WFDC9: variants seen among roughly 807,000 people sequenced by gnomAD.
WFDC9 encodes the protein WAP four-disulfide core domain 9.
Under a neutral mutation model 9.5 loss-of-function variants are expected in WFDC9, and 9 were observed. The ratio of observed to expected loss-of-function variants is 0.95; its 90% CI spans 0.57 to 1.65. The LOEUF is 1.65. WFDC9 is among the 40% of genes most tolerant of loss of function. The pLI, the probability that WFDC9 is intolerant of heterozygous loss-of-function variation, is 0.00. For missense variants in WFDC9, 87 were observed against 106.7 expected (o/e 0.82, Z 0.81); for synonymous variants, 33 against 32.3 (o/e 1.02, Z -0.07).
At chr20:45,609,337 G>T (rs990894139) in intron 3 of WFDC9, among the ~76,000 whole-genome samples, 2 of 151,842 alleles carry the variant, frequency 1.3e-5, no homozygotes, top group Non-Finnish European at 2.9e-5. Flanking sequence ...CTGAGTAGCT[G>T]GGATTACAGG....
chr20:45,613,342 A>C (rs1405179635), intron 2 of WFDC9, among the ~76,000 whole-genome samples: 1 of 152,154 alleles, frequency 6.6e-6, no homozygotes, highest in African/African-American at 2.4e-5. Flanking sequence ...AATCCACCAA[A>C]ATGACTCTGC....
intron 2 of WFDC9, among the ~76,000 whole-genome samples, chr20:45,611,776 G>A (rs555610953): frequency 3.9e-5 from 6 of 152,196 alleles, no homozygotes; most frequent in South Asian, 4.1e-4. Flanking sequence ...GATAATTGCC[G>A]CCACATTTCT....
At chr20:45,628,348 GAA>G (rs1482219348) in intron 1 of WFDC9, among the ~76,000 whole-genome samples, 1 of 152,184 alleles carries the variant, frequency 6.6e-6, no homozygotes, top group East Asian at 1.9e-4. Context: ...TGGTGGAAAA[GAA>G]AAAGAGTGTG....
intron 2 of WFDC9, among the ~76,000 whole-genome samples, chr20:45,612,379 G>A (rs184087733): frequency 1.2e-3 from 178 of 151,990 alleles, no homozygotes; most frequent in African/African-American, 4.2e-3. Flanking sequence ...TCCAAGTTCT[G>A]GGTATTGGAA....
intron 2 of WFDC9, among the ~76,000 whole-genome samples, chr20:45,612,027 C>T (rs543659990): frequency 2.6e-4 from 40 of 152,232 alleles, no homozygotes; most frequent in Middle Eastern, 6.8e-3. Context: ...CTGGTTTTCC[C>T]CATCCATATT....
chr20:45,624,543 G>A (rs796663229), intron 1 of WFDC9, among the ~76,000 whole-genome samples: 23 of 152,274 alleles, frequency 1.5e-4, no homozygotes, highest in African/African-American at 5.5e-4. Context: ...TACATATGTT[G>A]ATATGCTGAT....
chr20:45,627,704 T>G (rs1278728653), intron 1 of WFDC9, among the ~76,000 whole-genome samples: 3 of 152,212 alleles, frequency 2.0e-5, no homozygotes, highest in Non-Finnish European at 2.9e-5. Flanking sequence ...TCCAACAACC[T>G]CTAAGTGTTC....
In WFDC9 at chr20:45,623,742, C is replaced by T. The variant is rs146415481; in HGVS notation, c.-153+7461G>A. Among the ~76,000 whole-genome samples, 700 of 152,254 alleles carry T rather than the reference C, an allele frequency of 4.6e-3. 7 individuals are homozygous for T. The highest frequency in any genetic ancestry group is 0.016 in the African/African-American group (669 of 41,550). ...ATCAGATCAGGGTAATTAGCATACC[C>T]GTCATCTCAAACATTTATCATTTCT... On this transcript the variant is annotated intron_variant, in intron 1 of 4. Coordinates refer to ENST00000326000, the MANE Select transcript of WFDC9 (RefSeq NM_147198.4).
chr20:45,624,394 AT>A (rs986435961), intron 1 of WFDC9, among the ~76,000 whole-genome samples: 1 of 152,096 alleles, frequency 6.6e-6, no homozygotes, highest in Non-Finnish European at 1.5e-5. Flanking sequence ...GAACCACGGG[AT>A]TTTATTCCTT....
At chr20:45,612,367 A>G (rs1981880418) in intron 2 of WFDC9, among the ~76,000 whole-genome samples, 1 of 152,166 alleles carries the variant, frequency 6.6e-6, no homozygotes, top group African/African-American at 2.4e-5. Flanking sequence ...ATTGGAATAT[A>G]TTCCAAGTTC....
chr20:45,631,045 C>A, intron 1 of WFDC9, 158 bp downstream of exon 1: 2 of 1,565,300 alleles, frequency 1.3e-6, no homozygotes, highest in South Asian at 1.2e-5. Context: ...GGATGTGCAT[C>A]CTGCTTCCCA....
In WFDC9 at chr20:45,608,849, A is replaced by G. The variant is rs547596603; in HGVS notation, c.92-39T>C. On this transcript the variant is annotated intron_variant, in intron 3 of 4. Coordinates refer to ENST00000326000, the MANE Select transcript of WFDC9 (RefSeq NM_147198.4). ...AGTTAGCAGGGTCCGTCTATTCACA[A>G]CTCAGACAAGAAACCTTTTCTAAGC... 7.7e-6 allele frequency: 12 copies of G among 1,568,494 alleles called. No individual in the cohort carries two copies. The African/African-American group carries it at 9.6e-5, about 13-fold the overall frequency.
At chr20:45,618,166 C>T (rs535983526) in intron 1 of WFDC9, among the ~76,000 whole-genome samples, 2 of 152,310 alleles carry the variant, frequency 1.3e-5, no homozygotes, top group African/African-American at 4.8e-5. Context: ...CCAACCTCTG[C>T]TAGCTTCAAA....
chr20:45,618,260 A>T (rs1982015720), intron 1 of WFDC9, among the ~76,000 whole-genome samples: 1 of 152,242 alleles, frequency 6.6e-6, no homozygotes, highest in Non-Finnish European at 1.5e-5. Flanking sequence ...GTTTTGGCTT[A>T]AGGGAATGTT....
intron 1 of WFDC9, among the ~76,000 whole-genome samples, chr20:45,616,720 A>T (rs1981983357): frequency 6.6e-6 from 1 of 152,170 alleles, no homozygotes; most frequent in South Asian, 2.1e-4. Flanking sequence ...GAAAACATTG[A>T]TCTCTTCATA....
chr20:45,629,574 C>T (rs1982304011), intron 1 of WFDC9: 3 of 385,696 alleles, frequency 7.8e-6, no homozygotes, highest in Non-Finnish European at 1.4e-5. Context: ...GAACACAAGA[C>T]TGGTTATGTG....
intron 1 of WFDC9, among the ~76,000 whole-genome samples, chr20:45,621,335 A>C (rs965424229): frequency 6.6e-6 from 1 of 152,166 alleles, no homozygotes; most frequent in African/African-American, 2.4e-5. Flanking sequence ...CTCTTATTCT[A>C]TCTCTTCCTT....
intron 2 of WFDC9, among the ~76,000 whole-genome samples, chr20:45,611,364 T>C (rs1346942285): frequency 6.6e-6 from 1 of 152,132 alleles, no homozygotes; most frequent in Non-Finnish European, 1.5e-5. Flanking sequence ...GAATCCATAG[T>C]TCTGAACAAT....
intron 1 of WFDC9, 46 bp downstream of exon 1, chr20:45,631,157 C>G (rs1457605846): frequency 2.1e-5 from 20 of 954,084 alleles, no homozygotes; most frequent in Non-Finnish European, 2.9e-5. Context: ...TGTCTGAACC[C>G]CTTGTCCCTG....
Sources: gnomAD v4.1 joint callset for allele counts (sites outside exome capture counted in the v4.1 genomes callset) on GRCh38, gnomAD v4.1.1 for gene constraint, MANE v1.5 for transcripts, NCBI Gene and HGNC (gene_info 2026-07-23, HGNC 2026-07-21) for gene names.